PRKN: variants seen among roughly 807,000 people sequenced by gnomAD.
PRKN encodes the protein E3 ubiquitin-protein ligase parkin.
PRKN carries 56 observed loss-of-function variants against 59.5 expected under a neutral mutation model. The ratio of observed to expected loss-of-function variants is 0.94; its 90% CI spans 0.76 to 1.18. The LOEUF (loss-of-function observed/expected upper bound fraction) is 1.18, where lower values mean the gene tolerates loss of function less well. Ranked by LOEUF, PRKN falls within the 50% of genes most tolerant of loss-of-function variation. The pLI is 0.00. For missense variants in PRKN, 657 were observed against 596.4 expected (o/e 1.10, Z -1.06); for synonymous variants, 250 against 222.1 (o/e 1.13, Z -1.12).
chr6:161,417,563 G>C lies in PRKN; in HGVS notation c.1084-30686C>G, dbSNP rs1322127178. 6.6e-6 allele frequency among the ~76,000 whole-genome samples: 1 copy of C among 152,006 alleles called. No individual in the cohort carries two copies. Among genetic ancestry groups the C allele is most frequent in the Non-Finnish European group, 1.5e-5 (1 of 68,004 alleles). ...TAAATGTACCTTCTCCCATAACTCT[G>C]AGAATGGGGTTTGTGTCTTAGAAAA... On this transcript the variant is annotated intron_variant, in intron 9 of 11. Transcript: ENST00000366898. This position sits in a 1 kb window ranked among gnomAD's most constrained non-coding sequence, Gnocchi z 5.4.
At position 161,526,108 on chromosome 6, in the gene PRKN, GC is replaced by G. The variant is rs1383927375; in HGVS notation, c.1083+22745del. The stretch of plus-strand genomic sequence containing the variant: ...CATATAATAGTGGGCTGATAAACCA[GC>G]TCTTTTCCAACCTTCCTAAAAAAAA... On this transcript the variant is annotated intron_variant, in intron 9 of 11. Transcript: ENST00000366898. The surrounding 1 kb of genome is among the most constrained non-coding windows in gnomAD (Gnocchi z 4.1). Among the ~76,000 whole-genome samples the G allele has an allele frequency of 4.7e-4, 72 of 152,050 alleles. No individual in the cohort carries two copies. The highest frequency in any genetic ancestry group is 3.1e-3 in the Admixed American group (48 of 15,250).
At chr6:161,888,092 C>T (rs4546460) in intron 6 of PRKN, among the ~76,000 whole-genome samples, 76,987 of 151,900 alleles carry the variant, frequency 0.51, 20,186 homozygotes, top group East Asian at 0.65. Flanking sequence ...CCTTCTAAAA[C>T]TGCTTGACAT....
Position 162,179,210 on chromosome 6 carries a change from T to C in PRKN, c.534+21921A>G, listed in dbSNP as rs368964620. 3.1e-4 allele frequency among the ~76,000 whole-genome samples: 47 copies of C among 152,314 alleles called. 1 individual carries two copies. The highest frequency in any genetic ancestry group is 1.1e-3 in the African/African-American group (45 of 41,580). ...TCAGTCGTAATTGCATTTTGAAAAC[T>C]GGGCCTGCAGCTCTGTGGATACCAC... On this transcript the variant is annotated intron_variant, in intron 4 of 11. Coordinates refer to ENST00000366898, the MANE Select transcript of PRKN (RefSeq NM_004562.3).
intron 1 of PRKN, among the ~76,000 whole-genome samples, chr6:162,501,514 A>ATTTTT (rs10596593): frequency 1.4e-5 from 2 of 141,750 alleles, no homozygotes; most frequent in African/African-American, 2.6e-5. Context: ...CGCCTGGTTA[A>ATTTTT]TTTTTTTTTT....
chr6:162,147,344 G>GAAAAAAAAAAACAAAAAAAAAA (rs1782074746), intron 4 of PRKN, among the ~76,000 whole-genome samples: 1 of 42,068 alleles, frequency 2.4e-5, no homozygotes, highest in African/African-American at 7.7e-5. Flanking sequence ...CTCTGTCTCA[G>GAAAAAAAAAAACAAAAAAAAAA]AAAAAAAAAA....
At chr6:162,401,139 G>T (rs2128149673) in intron 2 of PRKN, among the ~76,000 whole-genome samples, 1 of 152,108 alleles carries the variant, frequency 6.6e-6, no homozygotes, top group African/African-American at 2.4e-5. Context: ...ATGCCAAAAT[G>T]TGGCAAATGG....
chr6:161,433,303 G>T (rs7758262), intron 9 of PRKN, among the ~76,000 whole-genome samples: 3,605 of 152,240 alleles, frequency 0.024, 144 homozygotes, highest in African/African-American at 0.081. Flanking sequence ...CAGTAAGTTG[G>T]ATGTTCCCAT....
chr6:162,008,972 T>A (rs1782372266), intron 5 of PRKN, among the ~76,000 whole-genome samples: 1 of 151,858 alleles, frequency 6.6e-6, no homozygotes, highest in Admixed American at 6.6e-5. Flanking sequence ...AGGTGAGGTG[T>A]GGCCAAGCGC....
At chr6:162,236,300 T>G (rs566545501) in intron 3 of PRKN, among the ~76,000 whole-genome samples, 3 of 152,296 alleles carry the variant, frequency 2.0e-5, no homozygotes, top group East Asian at 3.9e-4. Flanking sequence ...GAATCAGAAA[T>G]GCTTATTGGT....
Position 161,459,825 on chromosome 6 carries a change from C to G in PRKN, c.1084-72948G>C, listed in dbSNP as rs1368957223. Among the ~76,000 whole-genome samples the G allele has an allele frequency of 1.3e-5, 2 of 152,102 alleles. No homozygotes were observed. The highest frequency in any genetic ancestry group is 4.8e-5 in the African/African-American group (2 of 41,404). On this transcript the variant is annotated intron_variant, in intron 9 of 11. Coordinates refer to ENST00000366898, the MANE Select transcript of PRKN (RefSeq NM_004562.3). The surrounding 1 kb of genome is among the most constrained non-coding windows in gnomAD (Gnocchi z 4.8). Reference sequence around the variant, plus strand: ...TAATTTAGAGGCTTTCAATGACTTACCCCTAATGGGAGATTTCTGGCCCAG... The same window carrying G: ...TAATTTAGAGGCTTTCAATGACTTAGCCCTAATGGGAGATTTCTGGCCCAG...
At chr6:161,834,563 A>G (rs1400535196) in intron 6 of PRKN, among the ~76,000 whole-genome samples, 1 of 152,240 alleles carries the variant, frequency 6.6e-6, no homozygotes, top group African/African-American at 2.4e-5. Context: ...CTTTATAATT[A>G]TTCTTCTACC....
At chr6:161,869,857 CA>C (rs1250096870) in intron 6 of PRKN, among the ~76,000 whole-genome samples, 1 of 152,160 alleles carries the variant, frequency 6.6e-6, no homozygotes, top group Non-Finnish European at 1.5e-5. Flanking sequence ...AGGTAGTCCT[CA>C]GATAGTTTAT....
intron 4 of PRKN, among the ~76,000 whole-genome samples, chr6:162,143,276 T>C (rs532966289): frequency 7.2e-4 from 110 of 152,356 alleles, no homozygotes; most frequent in African/African-American, 2.4e-3. Context: ...GTTAAAATTA[T>C]TCCTTAAATG....
At chr6:162,646,685 G>A (rs751882935) in intron 1 of PRKN, among the ~76,000 whole-genome samples, 33 of 152,220 alleles carry the variant, frequency 2.2e-4, no homozygotes, top group Non-Finnish European at 3.2e-4. Context: ...TTGTGAGTAC[G>A]TTATAGAGTG....
chr6:162,556,356 T>TGTGTGTGTGTGTGTGTGC (rs1779580194), intron 1 of PRKN, among the ~76,000 whole-genome samples: 1 of 65,498 alleles, frequency 1.5e-5, no homozygotes, highest in African/African-American at 4.4e-5. Context: ...TGTGTGTGTG[T>TGTGTGTGTGTGTGTGTGC]GTGTGTGTGT....
chr6:162,479,497 G>T (rs1792188515), intron 1 of PRKN, among the ~76,000 whole-genome samples: 2 of 152,068 alleles, frequency 1.3e-5, no homozygotes, highest in African/African-American at 4.8e-5. Flanking sequence ...CCAAACTGCT[G>T]GGATAACAGG....
chr6:161,760,965 T>C (rs1283855567), intron 7 of PRKN, among the ~76,000 whole-genome samples: 3 of 152,122 alleles, frequency 2.0e-5, no homozygotes, highest in Non-Finnish European at 4.4e-5. Flanking sequence ...ATCAATAGAG[T>C]GTTTTTCACT....
chr6:162,679,958 T>C (rs556066323), intron 1 of PRKN, among the ~76,000 whole-genome samples: 1 of 152,318 alleles, frequency 6.6e-6, no homozygotes, highest in South Asian at 2.1e-4. Context: ...TGTAACTCCC[T>C]TGCTCATTGT....
chr6:162,205,755 C>T (rs1583196293), intron 3 of PRKN, among the ~76,000 whole-genome samples: 1 of 131,188 alleles, frequency 7.6e-6, no homozygotes, highest in East Asian at 2.1e-4. Context: ...CAGACACACA[C>T]ACACACGTAC....
Sources: allele counts gnomAD v4.1 joint callset (sites outside exome capture counted in the v4.1 genomes callset), GRCh38; gene constraint gnomAD v4.1.1; non-coding constraint Gnocchi (gnomAD v3.1); transcripts MANE v1.5; gene names NCBI Gene and HGNC (gene_info 2026-07-23, HGNC 2026-07-21).